Variants in SEMA6D observed in about 807,000 individuals in gnomAD.
The protein encoded by SEMA6D is semaphorin-6D.
In SEMA6D, 35 loss-of-function variants were observed where a neutral mutation model predicts 106.6. That is an observed-to-expected ratio of 0.33 (90% CI 0.25 to 0.44). SEMA6D has a LOEUF of 0.44. Among genes scored for constraint, SEMA6D ranks in the 20% least tolerant of loss-of-function variants. The probability of loss-of-function intolerance (pLI) is 1.00; values close to 1 mark genes in which losing one functional copy is unlikely to be tolerated. For synonymous variants in SEMA6D, 499 were observed against 487.7 expected (o/e 1.02, Z -0.31); for missense variants, 1,185 against 1,345.9 (o/e 0.88, Z 1.87).
At chr15:47,258,018 C>G (rs1021333708) in intron 1 of SEMA6D, among the ~76,000 whole-genome samples, 2 of 152,088 alleles carry the variant, frequency 1.3e-5, no homozygotes, top group African/African-American at 2.4e-5. Flanking sequence ...AAATTTCTTT[C>G]CTCTGTAGCC....
intron 2 of SEMA6D, among the ~76,000 whole-genome samples, chr15:47,444,446 A>G (rs2041971020): frequency 6.6e-6 from 1 of 151,028 alleles, no homozygotes; most frequent in East Asian, 2.0e-4. Flanking sequence ...GATCAGGCCC[A>G]TGATGCCCGG....
intron 1 of SEMA6D, among the ~76,000 whole-genome samples, chr15:47,310,559 C>T (rs759474167): frequency 6.7e-6 from 1 of 150,052 alleles, no homozygotes; most frequent in Non-Finnish European, 1.5e-5. Context: ...TTAATGCTGT[C>T]AATATATTCA....
intron 1 of SEMA6D, among the ~76,000 whole-genome samples, chr15:47,205,177 C>T (rs935914471): frequency 2.6e-5 from 4 of 152,088 alleles, no homozygotes; most frequent in African/African-American, 4.8e-5. Flanking sequence ...AAAACCAGTT[C>T]CAATCATTGT....
At chr15:47,476,740 T>G (rs1370709350) in intron 3 of SEMA6D, among the ~76,000 whole-genome samples, 1 of 152,194 alleles carries the variant, frequency 6.6e-6, no homozygotes, top group Admixed American at 6.6e-5. Flanking sequence ...CATGAACTCA[T>G]GCCATTTACT....
intron 1 of SEMA6D, among the ~76,000 whole-genome samples, chr15:47,337,536 A>G (rs946780421): frequency 6.6e-6 from 1 of 152,132 alleles, no homozygotes; most frequent in South Asian, 2.1e-4. Context: ...AATATATTGC[A>G]TGGATTTGGA....
At chr15:47,523,859 C>T (rs977853184) in intron 3 of SEMA6D, among the ~76,000 whole-genome samples, 9 of 152,152 alleles carry the variant, frequency 5.9e-5, no homozygotes, top group African/African-American at 1.9e-4. Flanking sequence ...ACTGTACTCC[C>T]GGGCCATTAC....
At chr15:47,705,973 T>C (rs2078905866) in intron 4 of SEMA6D, among the ~76,000 whole-genome samples, 1 of 152,176 alleles carries the variant, frequency 6.6e-6, no homozygotes, top group African/African-American at 2.4e-5. Context: ...TCTACCTCAG[T>C]TACGGGGCAC....
intron 1 of SEMA6D, among the ~76,000 whole-genome samples, chr15:47,243,382 T>C (rs1254442427): frequency 6.6e-6 from 1 of 151,824 alleles, no homozygotes; most frequent in Non-Finnish European, 1.5e-5. Flanking sequence ...GAGGCAAGAA[T>C]TGGGGCAATT....
intron 1 of SEMA6D, among the ~76,000 whole-genome samples, chr15:47,269,036 G>T (rs1595588909): frequency 6.6e-6 from 1 of 152,112 alleles, no homozygotes; most frequent in East Asian, 1.9e-4. Context: ...GGCATACATT[G>T]AGTAGTAAGC....
At position 47,640,175 on chromosome 15, in the gene SEMA6D, A is replaced by G. The variant is rs1032736120; in HGVS notation, c.-55+39279A>G. ...TAAAGTCTATATTTTTAAAAAGCAC[A>G]TATAATTTTTTGAAGAAATATTGGA... On this transcript the variant is annotated intron_variant, in intron 4 of 19. Transcript: ENST00000558014. Among the ~76,000 whole-genome samples the G allele has an allele frequency of 2.6e-5, 4 of 152,216 alleles. No homozygotes were observed. In the South Asian group the frequency reaches 8.3e-4, roughly 32 times the overall value.
chr15:47,193,098 A>C (rs1051211670), intron 1 of SEMA6D, among the ~76,000 whole-genome samples: 2 of 152,158 alleles, frequency 1.3e-5, no homozygotes, highest in African/African-American at 4.8e-5. Flanking sequence ...CTGAGAGGCC[A>C]TATTGCATGG....
At chr15:47,676,580 A>G (rs1191447541) in intron 4 of SEMA6D, among the ~76,000 whole-genome samples, 5 of 152,188 alleles carry the variant, frequency 3.3e-5, no homozygotes, top group Admixed American at 3.3e-4. Context: ...CTGACATTAA[A>G]TTGTTCCTCC....
At chr15:47,519,489 C>G (rs908187014) in intron 3 of SEMA6D, among the ~76,000 whole-genome samples, 2 of 152,162 alleles carry the variant, frequency 1.3e-5, no homozygotes, top group Non-Finnish European at 2.9e-5. Context: ...CTAGTAATCA[C>G]TAGTTTGTGG....
chr15:47,508,443 C>G lies in SEMA6D; in HGVS notation c.-87+37898C>G, dbSNP rs574587713. On this transcript the variant is annotated intron_variant, in intron 3 of 19. Coordinates refer to the SEMA6D transcript ENST00000558014. Reference sequence around the variant, plus strand: ...CAGAGCCGCACTCCAAGAGGATGGCCCCATGGAGTGGCGGATTTTTCTGAA... The same window carrying G: ...CAGAGCCGCACTCCAAGAGGATGGCGCCATGGAGTGGCGGATTTTTCTGAA... 5.3e-5 allele frequency among the ~76,000 whole-genome samples: 8 copies of G among 152,220 alleles called. 1 individual carries two copies. Among genetic ancestry groups the G allele is most frequent in the African/African-American group, 1.9e-4 (8 of 41,540 alleles).
intron 4 of SEMA6D, among the ~76,000 whole-genome samples, chr15:47,608,550 A>G (rs2076829552): frequency 6.6e-6 from 1 of 152,186 alleles, no homozygotes; most frequent in Admixed American, 6.5e-5. Context: ...TATTCCCTTC[A>G]TAATTTCTCT....
intron 1 of SEMA6D, among the ~76,000 whole-genome samples, chr15:47,394,110 A>G (rs1186715948): frequency 6.6e-6 from 1 of 152,122 alleles, no homozygotes; most frequent in African/African-American, 2.4e-5. Context: ...AGCCCTTGTC[A>G]TGGGTACATT....
chr15:47,407,816 T>A (rs2040645974), intron 1 of SEMA6D, among the ~76,000 whole-genome samples: 2 of 152,224 alleles, frequency 1.3e-5, no homozygotes, highest in Non-Finnish European at 2.9e-5. Context: ...ATTGGATGGA[T>A]AACCAGCCAG....
chr15:47,230,268 A>T (rs1309683953), intron 1 of SEMA6D, among the ~76,000 whole-genome samples: 7 of 152,058 alleles, frequency 4.6e-5, no homozygotes. Context: ...TTATTGTAAC[A>T]TAAGTTTTAT....
chr15:47,441,276 GA>G (rs1037492971), intron 2 of SEMA6D, among the ~76,000 whole-genome samples: 2 of 151,950 alleles, frequency 1.3e-5, no homozygotes, highest in Non-Finnish European at 2.9e-5. Flanking sequence ...GACATTTAAT[GA>G]AAAAATACCA....
Sources: gnomAD v4.1 joint callset for allele counts (sites outside exome capture counted in the v4.1 genomes callset) on GRCh38, gnomAD v4.1.1 for gene constraint, MANE v1.5 for transcripts, NCBI Gene and HGNC (gene_info 2026-07-23, HGNC 2026-07-21) for gene names.